Variants in CYBC1 observed in about 807,000 individuals in gnomAD.
CYBC1 encodes cytochrome b-245 chaperone 1.
A neutral mutation model predicts 21.7 loss-of-function variants in CYBC1; 22 were observed. That is an observed-to-expected ratio of 1.02 (90% CI 0.73 to 1.45). CYBC1 has a LOEUF of 1.45. Ranked by LOEUF, CYBC1 falls within the 40% of genes most tolerant of loss-of-function variation. CYBC1 has a pLI of 0.00. For missense variants in CYBC1, 237 were observed against 242.1 expected, an observed-to-expected ratio of 0.98 and a Z score of 0.14; for synonymous variants, 112 against 98.7, an observed-to-expected ratio of 1.13 and a Z score of -0.80.
rs1228932482 is a variant in CYBC1 at position 82,449,187 on chromosome 17, G to A, written c.68C>T (p.Ser23Phe). The change falls in exon 2 of 7, where the codon TCC (serine) becomes TTC (phenylalanine). Residue 23 changes from serine (S) to phenylalanine (F), a missense_variant. Transcript: ENST00000306645. ...AGCCTTACCAACCAGCAGGGACCAG[G>A]ACCGGATGCCTGGAGCCCTCTTCAG... is the stretch of plus-strand genomic sequence containing the variant. ...LHLKRAPGIR[S>F]WSLLVGILSI... 4 of 1,580,418 alleles carry A rather than the reference G, an allele frequency of 2.5e-6. No homozygotes were observed. Among genetic ancestry groups the A allele is most frequent in the Non-Finnish European group, 3.4e-6 (4 of 1,163,760 alleles).
intron 3 of CYBC1, 43 bp downstream of exon 3, chr17:82,447,537 C>G: frequency 1.3e-6 from 2 of 1,499,828 alleles, no homozygotes; most frequent in Non-Finnish European, 1.8e-6. Flanking sequence ...GTTTTCCAAA[C>G]AGCTGAGACA....
chr17:82,449,760 T>G (rs1363630346), intron 1 of CYBC1: 1 of 153,540 alleles, frequency 6.5e-6, no homozygotes, highest in East Asian at 1.9e-4. Flanking sequence ...ATCTCAGCTC[T>G]CTCTCTGCCC....
chr17:82,449,977 T>C (rs995397695), intron 1 of CYBC1: 3 of 152,156 alleles, frequency 2.0e-5, no homozygotes, highest in African/African-American at 7.2e-5. Context: ...AAATCAAATT[T>C]CTGACATTAA....
Position 82,444,137 on chromosome 17 carries a change from G to C in CYBC1, c.444-13C>G. 1 of 1,606,088 alleles carries C rather than the reference G, an allele frequency of 6.2e-7. No individual in the cohort carries two copies. Among genetic ancestry groups the C allele is most frequent in the Non-Finnish European group, 8.5e-7 (1 of 1,174,676 alleles). On this transcript the variant is annotated splice_polypyrimidine_tract_variant and intron_variant, in intron 6 of 6. Transcript: ENST00000306645. ...GGCTTCCACATCACTGGGCGAGGCCGGCAACGGGAGGAAGGTCAGGTCACC... is the reference window on the plus strand; with the variant it reads ...GGCTTCCACATCACTGGGCGAGGCCCGCAACGGGAGGAAGGTCAGGTCACC...
chr17:82,446,481 G>C (rs1007248923), intron 4 of CYBC1, 142 bp downstream of exon 4: 4 of 739,408 alleles, frequency 5.4e-6, no homozygotes, highest in Non-Finnish European at 9.3e-6. Flanking sequence ...CTGATGAACG[G>C]AGACCTCCAA....
chr17:82,442,742 C>CT lies in CYBC1; in HGVS notation c.*1261dup. 2.6e-6 allele frequency: 2 copies of CT among 764,514 alleles called. No homozygotes were observed. The highest frequency in any genetic ancestry group is 4.1e-6 in the Non-Finnish European group (2 of 486,944). 47.4% of individuals were successfully genotyped at this position (764,514 alleles called of 1,614,324 possible). A position where few individuals can be genotyped will look rare whatever the true frequency, so the allele number is the denominator to read the frequency against. ...GAGGGTCCCATCTCTCTCCTGTCGG[C>CT]TTTCACCGAGGTCACAGCCAGACGT... is the stretch of plus-strand genomic sequence containing the variant. On this transcript the variant is annotated 3_prime_UTR_variant, in exon 7 of 7. Transcript: ENST00000306645. The surrounding 1 kb of genome is among the most constrained non-coding windows in gnomAD (Gnocchi z 6.8).
chr17:82,447,328 G>T, intron 3 of CYBC1: 3 of 540,280 alleles, frequency 5.6e-6, no homozygotes, highest in Non-Finnish European at 1.0e-5. Context: ...ACTCCAGCCT[G>T]GGTGACAGAG....
chr17:82,447,560 TGGGGC>T lies in CYBC1; in HGVS notation c.127+15_127+19del. The T allele has an allele frequency of 2.6e-6, 1 of 386,388 alleles. No individual in the cohort carries two copies. The highest frequency in any genetic ancestry group is 3.9e-6 in the Non-Finnish European group (1 of 257,192). The allele number at this position is 386,388 out of a possible 1,614,324, so 23.9% of individuals were successfully genotyped here. A position where few individuals can be genotyped will look rare whatever the true frequency, so the allele number is the denominator to read the frequency against. Reference sequence around the variant, plus strand: ...AACAGCTGAGACAGTCATGGGGGGGTGGGGCGGGGGGTGCTTTACCTCCGCTGTAG... The same window carrying T: ...AACAGCTGAGACAGTCATGGGGGGGTGGGGGGTGCTTTACCTCCGCTGTAG... On this transcript the variant is annotated intron_variant, in intron 3 of 6. Coordinates refer to ENST00000306645, the MANE Select transcript of CYBC1 (RefSeq NM_001033046.4).
In CYBC1 at chr17:82,443,660, G is replaced by A. The variant is rs1411152331; in HGVS notation, c.*344C>T. 4 of 763,826 alleles carry A rather than the reference G, an allele frequency of 5.2e-6. No homozygotes were observed. The highest frequency in any genetic ancestry group is 3.4e-5 in the Admixed American group (2 of 57,994). The allele number at this position is 763,826 out of a possible 1,614,324, so 47.3% of individuals were successfully genotyped here. On this transcript the variant is annotated 3_prime_UTR_variant, in exon 7 of 7. Transcript: ENST00000306645. This position sits in a 1 kb window ranked among gnomAD's most constrained non-coding sequence, Gnocchi z 6.7. ...AGGCAGGCCCAGGCCTCACGATGGA[G>A]AAAGTCTGGATGTCCTGGTCTGGCC...
rs937694040 is a variant in CYBC1 at position 82,443,324 on chromosome 17, C to T, written c.*680G>A. On this transcript the variant is annotated 3_prime_UTR_variant, in exon 7 of 7. Transcript: ENST00000306645. This position sits in a 1 kb window ranked among gnomAD's most constrained non-coding sequence, Gnocchi z 6.7. ...AACAGAGAGACCTTTCTGTGACGAC[C>T]GCTGGGGCAGAGTGGTCTATGCGCC... 9 of 405,894 alleles carry T rather than the reference C, an allele frequency of 2.2e-5. No individual in the cohort carries two copies. Among genetic ancestry groups the T allele is most frequent in the African/African-American group, 6.2e-5 (3 of 48,654 alleles). 25.1% of individuals were successfully genotyped at this position (405,894 alleles called of 1,614,324 possible).
rs1337502071 is a variant in CYBC1, at chr17:82,444,570, A to G, written c.320T>C (p.Val107Ala). The G allele has an allele frequency of 6.2e-7, 1 of 1,612,618 alleles. No individual in the cohort carries two copies. Among genetic ancestry groups the G allele is most frequent in the Non-Finnish European group, 8.5e-7 (1 of 1,178,942 alleles). ...CTCCTCCTCCACGCTCACATCACGGACATCATGGAGCAGGACCACCACTGC... is the reference window on the plus strand; with the variant it reads ...CTCCTCCTCCACGCTCACATCACGGGCATCATGGAGCAGGACCACCACTGC... ...HDQVVVLLHD[V>A]RDVSVEEEKV... Residue 107 changes from valine (V) to alanine (A), a missense_variant, in exon 6 of 7, where the codon GTC (valine) becomes GCC (alanine). By Grantham distance (64) the Val-to-Ala change is moderately conservative (BLOSUM62 0). Coordinates refer to ENST00000306645, the MANE Select transcript of CYBC1 (RefSeq NM_001033046.4).
intron 5 of CYBC1, chr17:82,445,590 C>T (rs984051778): frequency 5.6e-6 from 2 of 359,728 alleles, no homozygotes; most frequent in Non-Finnish European, 5.1e-6. Context: ...CTGCCAGACC[C>T]CTGCTCCTCA....
intron 2 of CYBC1, chr17:82,447,969 G>C (rs185909282): frequency 2.2e-5 from 9 of 414,026 alleles, no homozygotes; most frequent in Middle Eastern, 7.1e-4. Flanking sequence ...GCTATTCACA[G>C]TATTTACTAG....
chr17:82,444,765 G>GT, intron 5 of CYBC1, 174 bp from the exon 6 acceptor site: 1 of 773,590 alleles, frequency 1.3e-6, no homozygotes, highest in Non-Finnish European at 2.0e-6. Flanking sequence ...CCTGAAGGCA[G>GT]TGCAGGGTCC....
rs1292653895 is a variant in CYBC1, at chr17:82,449,255, C to G, written c.-1G>C. ...TGCGGGTCTCCACCTGCAGGTACATCCCGAGAGGGCAGCACCACTCTCTAC... is the reference window on the plus strand; with the variant it reads ...TGCGGGTCTCCACCTGCAGGTACATGCCGAGAGGGCAGCACCACTCTCTAC... On this transcript the variant is annotated 5_prime_UTR_variant, in exon 2 of 7. Transcript: ENST00000306645. 2 of 1,564,580 alleles carry G rather than the reference C, an allele frequency of 1.3e-6. No individual in the cohort carries two copies. The highest frequency in any genetic ancestry group is 1.7e-6 in the Non-Finnish European group (2 of 1,155,758).
rs201814903 is a variant in CYBC1, at chr17:82,447,540, C to T, written c.127+40G>A. On this transcript the variant is annotated intron_variant, in intron 3 of 6. Coordinates refer to ENST00000306645, the MANE Select transcript of CYBC1 (RefSeq NM_001033046.4). Reference sequence around the variant, plus strand: ...CTTCTTTTCTCTGTTTTCCAAACAGCTGAGACAGTCATGGGGGGGTGGGGC... The same window carrying T: ...CTTCTTTTCTCTGTTTTCCAAACAGTTGAGACAGTCATGGGGGGGTGGGGC... The T allele has an allele frequency of 3.5e-4, 516 of 1,480,228 alleles. 5 individuals carry two copies. In the Middle Eastern group the frequency reaches 9.2e-3, roughly 26 times the overall value. The allele number at this position is 1,480,228 out of a possible 1,614,324, so 91.7% of individuals were successfully genotyped here. A position where few individuals can be genotyped will look rare whatever the true frequency, so the allele number is the denominator to read the frequency against.
intron 5 of CYBC1, chr17:82,445,229 CG>C: frequency 6.5e-6 from 1 of 154,054 alleles, no homozygotes; most frequent in Non-Finnish European, 1.4e-5. Context: ...GGCCGGACCC[CG>C]GGGCCTCTGT....
chr17:82,445,933 T>C lies in CYBC1; in HGVS notation c.229A>G (p.Lys77Glu). Residue 77 changes from lysine to glutamate, a missense_variant, in exon 5 of 7, where the codon AAG (lysine) becomes GAG (glutamate). Physicochemically the swap from Lys to Glu is moderately conservative, Grantham distance 56. Coordinates refer to ENST00000306645, the MANE Select transcript of CYBC1 (RefSeq NM_001033046.4). ...EEAIFDKSTG[K>E]VVLKTFSLYK... ...AGGCTGAACGTCTTCAAAACAACCTTCCCTGTGCTCTTGTCGAAGATGGCT... is the reference window on the plus strand; with the variant it reads ...AGGCTGAACGTCTTCAAAACAACCTCCCCTGTGCTCTTGTCGAAGATGGCT... 6.2e-7 allele frequency: 1 copy of C among 1,613,650 alleles called. No individual in the cohort carries two copies. The highest frequency in any genetic ancestry group is 2.2e-5 in the East Asian group (1 of 44,860).
intron 5 of CYBC1, 188 bp downstream of exon 5, chr17:82,445,675 AG>A: frequency 1.8e-6 from 1 of 550,062 alleles, no homozygotes; most frequent in Non-Finnish European, 3.3e-6. Flanking sequence ...CCTGCTGAGC[AG>A]GTGAGCAGGT....
Sources: allele counts gnomAD v4.1 joint callset, GRCh38; gene constraint gnomAD v4.1.1; non-coding constraint Gnocchi (gnomAD v3.1); transcripts MANE v1.5; gene names NCBI Gene and HGNC (gene_info 2026-07-23, HGNC 2026-07-21).